The following ARHGEF10 variants were observed in gnomAD, a reference collection of about 807,000 sequenced individuals.
The protein encoded by ARHGEF10 is Rho guanine nucleotide exchange factor (GEF) 10.
Under a neutral mutation model 147.4 loss-of-function variants are expected in ARHGEF10, and 140 were observed. The ratio of observed to expected loss-of-function variants is 0.95; its 90% CI spans 0.83 to 1.09. The LOEUF (loss-of-function observed/expected upper bound fraction) is 1.09. Ranked by LOEUF, ARHGEF10 falls within the 50% of genes least tolerant of loss-of-function variation. The pLI, the probability that ARHGEF10 is intolerant of heterozygous loss-of-function variation, is 0.00. For missense variants in ARHGEF10, 2,222 were observed against 1,752.7 expected, an observed-to-expected ratio of 1.27 and a Z score of -4.78; for synonymous variants, 902 against 695.8, an observed-to-expected ratio of 1.30 and a Z score of -4.67.
chr8:1,886,948 C>T (rs1159735555), intron 11 of ARHGEF10, among the ~76,000 whole-genome samples: 27 of 152,202 alleles, frequency 1.8e-4, no homozygotes, highest in Admixed American at 1.8e-3. Context: ...TTACCAGGAA[C>T]AGAGGATCTA....
At chr8:1,892,438 T>C (rs989875232) in intron 11 of ARHGEF10, among the ~76,000 whole-genome samples, 1 of 152,180 alleles carries the variant, frequency 6.6e-6, no homozygotes, top group Non-Finnish European at 1.5e-5. Flanking sequence ...GCGAATAGAA[T>C]AATCCTTTCT....
Position 1,859,991 on chromosome 8 carries a change from C to A in ARHGEF10, c.288C>A (p.Asp96Glu). 6.2e-7 allele frequency: 1 copy of A among 1,614,210 alleles called. No individual in the cohort carries two copies. The highest frequency in any genetic ancestry group is 8.5e-7 in the Non-Finnish European group (1 of 1,180,024). The change falls in exon 4 of 29, where the codon GAC (aspartate) becomes GAA (glutamate). Residue 96 changes from aspartate (D) to glutamate (E), a missense_variant. By Grantham distance (45) the Asp-to-Glu change is conservative (BLOSUM62 2). Transcript: ENST00000349830. ...PMKVNPYSVI[D>E]ITPFQEDQPP... ...AAGTCAACCCATATTCTGTCATCGACATCACGCCATTCCAGGAGGACCAGC... is the reference window on the plus strand; with the variant it reads ...AAGTCAACCCATATTCTGTCATCGAAATCACGCCATTCCAGGAGGACCAGC...
rs1812923677 is a variant in ARHGEF10 at position 1,929,286 on chromosome 8, C to T, written c.2922C>T (p.Ser974=). The part of the protein sequence containing the change: ...PTICVGTEEG[S]ISIYKSSQGS... ...ATTAGCTTGTATTTTTCTCTTAAAG[C>T]ATTTCCATTTATAAAAGCAGTCAAG... Residue 974 remains serine, a splice_region_variant and synonymous_variant, in exon 25 of 29, where the codon AGC becomes AGT. Coordinates refer to ENST00000349830, the MANE Select transcript of ARHGEF10 (RefSeq NM_014629.4). The T allele has an allele frequency of 6.2e-7, 1 of 1,614,038 alleles. No individual in the cohort carries two copies. The highest frequency in any genetic ancestry group is 8.5e-7 in the Non-Finnish European group (1 of 1,179,940).
At chr8:1,858,768 G>C (rs1025824384) in intron 3 of ARHGEF10, 1 of 133,788 alleles carries the variant, frequency 7.5e-6, no homozygotes. Flanking sequence ...TGTAGTACCA[G>C]CCTCTCAGTT....
In ARHGEF10 at chr8:1,928,595, C is replaced by G; in HGVS notation, c.2866C>G (p.Pro956Ala). The change falls in exon 24 of 29, where the codon CCG (proline) becomes GCG (alanine). Residue 956 changes from proline (P) to alanine (A), a missense_variant. Coordinates refer to ENST00000349830, the MANE Select transcript of ARHGEF10 (RefSeq NM_014629.4). ...EPGAPPDPET[P>A]AVRASDVPTI... ...TGGGGCACCCCCGGACCCCGAGACC[C>G]CGGCCGTGAGAGCTTCTGATGTCCC... 1 of 1,614,200 alleles carries G rather than the reference C, an allele frequency of 6.2e-7. No homozygotes were observed. Among genetic ancestry groups the G allele is most frequent in the East Asian group, 2.2e-5 (1 of 44,888 alleles).
chr8:1,864,493 G>T, intron 5 of ARHGEF10, 57 bp downstream of exon 5: 1 of 1,552,760 alleles, frequency 6.4e-7, no homozygotes, highest in Non-Finnish European at 8.9e-7. Context: ...CTGAGGAGCT[G>T]GACGTGGGGA....
chr8:1,919,164 T>C (rs1476487743), intron 18 of ARHGEF10, among the ~76,000 whole-genome samples: 1 of 142,748 alleles, frequency 7.0e-6, no homozygotes, highest in Non-Finnish European at 1.5e-5. Context: ...GTTCCGTGGG[T>C]GATGGAGCTG....
At position 1,957,539 on chromosome 8, in the gene ARHGEF10, T is replaced by G. The variant is rs1815682132; in HGVS notation, c.*276T>G. ...GCAGTTCTGGGAAAATACCACATTC[T>G]TTTTGACTGCTGTAGTCCATATGTG... On this transcript the variant is annotated 3_prime_UTR_variant, in exon 29 of 29. Coordinates refer to ENST00000349830, the MANE Select transcript of ARHGEF10 (RefSeq NM_014629.4). 1.8e-6 allele frequency: 1 copy of G among 553,712 alleles called. No homozygotes were observed. The highest frequency in any genetic ancestry group is 3.2e-6 in the Non-Finnish European group (1 of 310,210). The allele number at this position is 553,712 out of a possible 1,614,324, so 34.3% of individuals were successfully genotyped here.
chr8:1,850,491 C>T (rs537787452), intron 2 of ARHGEF10, among the ~76,000 whole-genome samples: 22 of 116,588 alleles, frequency 1.9e-4, no homozygotes, highest in Admixed American at 1.5e-3. Flanking sequence ...GTGCGGAAGA[C>T]GGCATGGGCC....
At chr8:1,894,713 C>T (rs1017379914) in intron 13 of ARHGEF10, 141 bp downstream of exon 13, 30 of 949,450 alleles carry the variant, frequency 3.2e-5, no homozygotes, top group Non-Finnish European at 4.3e-5. Context: ...GCTGAAGTTG[C>T]AATGCCCTGG....
At chr8:1,906,371 C>T (rs1455219247) in intron 17 of ARHGEF10, among the ~76,000 whole-genome samples, 1 of 152,124 alleles carries the variant, frequency 6.6e-6, no homozygotes. Context: ...GTTTTGAGAT[C>T]CAGTTGCTAA....
intron 7 of ARHGEF10, among the ~76,000 whole-genome samples, chr8:1,874,588 C>A (rs1003448277): frequency 1.3e-5 from 2 of 152,184 alleles, no homozygotes; most frequent in Non-Finnish European, 2.9e-5. Flanking sequence ...AGGGACAGTC[C>A]AGATACATAC....
At chr8:1,871,182 G>A (rs1807090879) in intron 7 of ARHGEF10, 1 of 149,140 alleles carries the variant, frequency 6.7e-6, no homozygotes, top group African/African-American at 2.5e-5. Context: ...TGATTGACTT[G>A]AAGGTCATAT....
rs1809829324 is a variant in ARHGEF10 at position 1,894,676 on chromosome 8, A to G, written c.1440+104A>G. ...TGCCCCTGATCTCCTGCAAGCTGAC[A>G]AGTGTGCAGTTCTCTCTAAAGGCCA... On this transcript the variant is annotated intron_variant, in intron 13 of 28. Transcript: ENST00000349830. The G allele has an allele frequency of 3.1e-6, 4 of 1,310,212 alleles. No individual in the cohort carries two copies. The East Asian group carries it at 9.4e-5, about 31-fold the overall frequency. 81.2% of individuals were successfully genotyped at this position (1,310,212 alleles called of 1,614,324 possible).
At chr8:1,947,464 C>G (rs2129279312) in intron 27 of ARHGEF10, among the ~76,000 whole-genome samples, 1 of 152,306 alleles carries the variant, frequency 6.6e-6, no homozygotes, top group East Asian at 1.9e-4. Flanking sequence ...CAAGGGAAGG[C>G]TCTGGCAAGT....
At chr8:1,914,599 A>G (rs563154358) in intron 18 of ARHGEF10, among the ~76,000 whole-genome samples, 14 of 152,362 alleles carry the variant, frequency 9.2e-5, no homozygotes, top group South Asian at 4.1e-4. Flanking sequence ...GAAGCCCACC[A>G]TGGCAAAGCT....
At chr8:1,853,507 C>G (rs1277796391) in intron 2 of ARHGEF10, among the ~76,000 whole-genome samples, 1 of 152,260 alleles carries the variant, frequency 6.6e-6, no homozygotes, top group East Asian at 1.9e-4. Context: ...TAGTTTTTCT[C>G]ATCAGTGTTC....
In ARHGEF10 at chr8:1,905,617, T is replaced by G. The variant is rs771976843; in HGVS notation, c.1868T>G (p.Ile623Arg). Residue 623 changes from isoleucine (I) to arginine (R), a missense_variant, in exon 17 of 29, where the codon ATA (isoleucine) becomes AGA (arginine). Coordinates refer to ENST00000349830, the MANE Select transcript of ARHGEF10 (RefSeq NM_014629.4). Reference sequence around the variant, plus strand: ...TACCTCATTCGATCAGATGATATGATAGAAACAGTTTACAACGACAGAGGA... The same window carrying G: ...TACCTCATTCGATCAGATGATATGAGAGAAACAGTTTACAACGACAGAGGA... ...SRYLIRSDDM[I>R]ETVYNDRGEI... 8.1e-6 allele frequency: 13 copies of G among 1,614,070 alleles called. No individual in the cohort carries two copies. The African/African-American group carries it at 1.6e-4, about 20-fold the overall frequency.
intron 18 of ARHGEF10, among the ~76,000 whole-genome samples, chr8:1,916,262 C>T (rs190283009): frequency 4.6e-5 from 7 of 152,346 alleles, no homozygotes; most frequent in Admixed American, 4.6e-4. Flanking sequence ...TGGACGGGGT[C>T]CTATCTCTGT....
Sources: allele counts gnomAD v4.1 joint callset (sites outside exome capture counted in the v4.1 genomes callset), GRCh38; gene constraint gnomAD v4.1.1; transcripts MANE v1.5; gene names NCBI Gene and HGNC (gene_info 2026-07-23, HGNC 2026-07-21).